Variants in ELAPOR2 observed in about 807,000 individuals in gnomAD.
ELAPOR2 encodes the protein endosome-lysosome associated apoptosis and autophagy regulator family member 2.
In ELAPOR2, 89 loss-of-function variants were observed where a neutral mutation model predicts 120.7. That is an observed-to-expected ratio of 0.74 (90% CI 0.62 to 0.88). ELAPOR2 has a LOEUF of 0.88. Ranked by LOEUF, ELAPOR2 falls within the 40% of genes least tolerant of loss-of-function variation. ELAPOR2 has a pLI of 0.00. For missense variants in ELAPOR2, 1,134 were observed against 1,251.6 expected (o/e 0.91, Z 1.42); for synonymous variants, 444 against 444.9 (o/e 1.00, Z 0.03).
At chr7:86,975,655 C>G (rs984945583) in intron 1 of ELAPOR2, among the ~76,000 whole-genome samples, 1 of 152,136 alleles carries the variant, frequency 6.6e-6, no homozygotes, top group African/African-American at 2.4e-5. Flanking sequence ...TGGCCAGGCC[C>G]TAATATGGAC....
chr7:87,057,378 C>A (rs939139387), intron 1 of ELAPOR2, among the ~76,000 whole-genome samples: 1 of 152,206 alleles, frequency 6.6e-6, no homozygotes, highest in Admixed American at 6.5e-5. Context: ...GGTCACTAGG[C>A]CTCTTCTACT....
intron 1 of ELAPOR2, among the ~76,000 whole-genome samples, chr7:87,058,009 A>G (rs1476486551): frequency 1.3e-5 from 2 of 152,358 alleles, no homozygotes; most frequent in East Asian, 3.9e-4. Context: ...TGTAGAATAT[A>G]GATTAAGCTC....
At chr7:87,041,893 C>T (rs985903757) in intron 1 of ELAPOR2, among the ~76,000 whole-genome samples, 7 of 151,692 alleles carry the variant, frequency 4.6e-5, no homozygotes, top group Non-Finnish European at 1.0e-4. Flanking sequence ...CACACATAGG[C>T]TCAAAATAAA....
At chr7:86,922,181 G>A (rs1789863247) in intron 10 of ELAPOR2, among the ~76,000 whole-genome samples, 1 of 151,872 alleles carries the variant, frequency 6.6e-6, no homozygotes. Context: ...CAACCAGAAT[G>A]TTGATTTCAA....
chr7:87,034,444 T>G lies in ELAPOR2; in HGVS notation c.189+24881A>C, dbSNP rs140486350. On this transcript the variant is annotated intron_variant, in intron 1 of 21. Transcript: ENST00000450689. ...TATTGCTGCATTTTTCTGGAATGCA[T>G]ATATTGCTTTTAACTTTAAAAGGTG... Among the ~76,000 whole-genome samples the G allele has an allele frequency of 2.2e-4, 34 of 152,160 alleles. 1 individual carries two copies. Among genetic ancestry groups the G allele is most frequent in the African/African-American group, 8.0e-4 (33 of 41,498 alleles).
intron 1 of ELAPOR2, among the ~76,000 whole-genome samples, chr7:86,982,224 G>A (rs1331761114): frequency 1.3e-5 from 2 of 151,682 alleles, no homozygotes; most frequent in African/African-American, 2.4e-5. Context: ...TTCCACTTCT[G>A]GGGGCAGGGC....
At chr7:86,968,497 T>C (rs578079052) in intron 1 of ELAPOR2, among the ~76,000 whole-genome samples, 6 of 152,270 alleles carry the variant, frequency 3.9e-5, no homozygotes, top group Non-Finnish European at 8.8e-5. Flanking sequence ...TAATAATCAA[T>C]TGCATTTCAA....
At chr7:86,986,942 A>T (rs1490160459) in intron 1 of ELAPOR2, among the ~76,000 whole-genome samples, 1 of 150,734 alleles carries the variant, frequency 6.6e-6, no homozygotes, top group Admixed American at 6.6e-5. Context: ...CTGACTTCAA[A>T]CTGTACTACA....
chr7:86,978,547 TCAG>T (rs1792356752), intron 1 of ELAPOR2, among the ~76,000 whole-genome samples: 1 of 152,194 alleles, frequency 6.6e-6, no homozygotes, highest in Admixed American at 6.5e-5. Flanking sequence ...GAACATTTTC[TCAG>T]TGCTCTCAGG....
chr7:86,895,563 T>C (rs541068964), intron 19 of ELAPOR2, among the ~76,000 whole-genome samples: 2 of 152,064 alleles, frequency 1.3e-5, no homozygotes, highest in Non-Finnish European at 2.9e-5. Context: ...CCAAAAAGTA[T>C]CATTTTAAAG....
At chr7:86,914,235 A>G (rs991784103) in intron 13 of ELAPOR2, among the ~76,000 whole-genome samples, 1 of 152,202 alleles carries the variant, frequency 6.6e-6, no homozygotes, top group African/African-American at 2.4e-5. Context: ...CAGGGAAAAT[A>G]AAAGAAAGGA....
intron 1 of ELAPOR2, among the ~76,000 whole-genome samples, chr7:87,036,199 C>T (rs1247018319): frequency 6.6e-6 from 1 of 152,180 alleles, no homozygotes; most frequent in Non-Finnish European, 1.5e-5. Flanking sequence ...GTAGGCCAAG[C>T]ATGGTGCCTC....
intron 1 of ELAPOR2, among the ~76,000 whole-genome samples, chr7:86,995,179 T>A (rs1197778569): frequency 1.3e-5 from 2 of 152,152 alleles, no homozygotes; most frequent in East Asian, 1.9e-4. Flanking sequence ...TTCTTATGAT[T>A]AAGAAAACTT....
intron 4 of ELAPOR2, among the ~76,000 whole-genome samples, chr7:86,944,310 C>G (rs879322927): frequency 6.6e-6 from 1 of 151,978 alleles, no homozygotes; most frequent in African/African-American, 2.4e-5. Context: ...ATTACTTTAT[C>G]TTATCTTCCG....
chr7:87,000,549 T>C (rs1266205882), intron 1 of ELAPOR2, among the ~76,000 whole-genome samples: 1 of 152,168 alleles, frequency 6.6e-6, no homozygotes, highest in Admixed American at 6.6e-5. Flanking sequence ...TTTATTTTGC[T>C]GCTGCTGCTT....
intron 4 of ELAPOR2, among the ~76,000 whole-genome samples, chr7:86,942,884 C>A (rs1186094283): frequency 6.6e-6 from 1 of 151,838 alleles, no homozygotes; most frequent in Admixed American, 6.6e-5. Context: ...AGAAATGGTT[C>A]TTCCTTTCAT....
intron 1 of ELAPOR2, among the ~76,000 whole-genome samples, chr7:87,016,368 T>A (rs1352640598): frequency 1.3e-5 from 2 of 151,892 alleles, no homozygotes; most frequent in East Asian, 3.9e-4. Flanking sequence ...ATATATATTT[T>A]CTAATGATAA....
chr7:87,005,267 T>C (rs1793435572), intron 1 of ELAPOR2, among the ~76,000 whole-genome samples: 1 of 152,164 alleles, frequency 6.6e-6, no homozygotes. Context: ...ATAAGCATCA[T>C]GGCACATAAT....
chr7:86,888,193 C>T (rs752269326), intron 21 of ELAPOR2, among the ~76,000 whole-genome samples: 4 of 152,056 alleles, frequency 2.6e-5, no homozygotes, highest in African/African-American at 7.2e-5. Context: ...ATGGACAAAG[C>T]GGGGGTACAC....
Sources: allele counts gnomAD v4.1 joint callset (sites outside exome capture counted in the v4.1 genomes callset), GRCh38; gene constraint gnomAD v4.1.1; transcripts MANE v1.5; gene names NCBI Gene and HGNC (gene_info 2026-07-23, HGNC 2026-07-21).